The following AGBL4 variants were observed in gnomAD, a reference collection of about 807,000 sequenced individuals.
The protein encoded by AGBL4 is cytosolic carboxypeptidase 6.
Under a neutral mutation model 66.4 loss-of-function variants are expected in AGBL4, and 58 were observed. The observed-to-expected ratio is 0.87, with a 90% CI of 0.71 to 1.09. The LOEUF is 1.09. AGBL4 is among the 50% of genes least tolerant of loss of function. The pLI, the probability that AGBL4 is intolerant of heterozygous loss-of-function variation, is 0.00. For missense variants in AGBL4, 579 were observed against 631.0 expected, an observed-to-expected ratio of 0.92 and a Z score of 0.88; for synonymous variants, 234 against 222.9, an observed-to-expected ratio of 1.05 and a Z score of -0.44.
At chr1:49,716,028 T>C (rs879135689) in intron 2 of AGBL4, among the ~76,000 whole-genome samples, 5 of 152,122 alleles carry the variant, frequency 3.3e-5, no homozygotes, top group South Asian at 2.1e-4. Context: ...TCGTTGCCCA[T>C]GCCTATCTCT....
chr1:48,649,614 T>G (rs1645894987), intron 8 of AGBL4, among the ~76,000 whole-genome samples: 1 of 152,220 alleles, frequency 6.6e-6, no homozygotes, highest in African/African-American at 2.4e-5. Context: ...CATGGTATAG[T>G]GGCCATCTAT....
At chr1:49,684,176 TTTA>T (rs1646747498) in intron 3 of AGBL4, among the ~76,000 whole-genome samples, 1 of 152,160 alleles carries the variant, frequency 6.6e-6, no homozygotes, top group South Asian at 2.1e-4. Context: ...TCCTCTTGAT[TTTA>T]TTGTTTTTGT....
chr1:49,554,437 T>C (rs1653237168), intron 3 of AGBL4, among the ~76,000 whole-genome samples: 2 of 152,174 alleles, frequency 1.3e-5, no homozygotes, highest in African/African-American at 4.8e-5. Flanking sequence ...CTCAGAGACA[T>C]AATAATAAAA....
chr1:48,553,311 G>T (rs546336148), intron 11 of AGBL4, among the ~76,000 whole-genome samples: 1 of 152,276 alleles, frequency 6.6e-6, no homozygotes, highest in South Asian at 2.1e-4. Flanking sequence ...TTCAGCTCCT[G>T]CTTGTCTCAC....
At chr1:49,726,449 A>C (rs975068441) in intron 2 of AGBL4, among the ~76,000 whole-genome samples, 3 of 152,200 alleles carry the variant, frequency 2.0e-5, no homozygotes, top group Admixed American at 6.5e-5. Flanking sequence ...ATAGAGTGGA[A>C]GAATGACTGG....
At chr1:49,769,363 T>A (rs1189818221) in intron 2 of AGBL4, among the ~76,000 whole-genome samples, 2 of 151,984 alleles carry the variant, frequency 1.3e-5, no homozygotes, top group East Asian at 1.9e-4. Context: ...ATTGTAAGAA[T>A]CAAAATCTCT....
At position 48,533,264 on chromosome 1, in the gene AGBL4, TCACAAA is replaced by T; in HGVS notation, c.*903_*908del. The stretch of plus-strand genomic sequence containing the variant: ...TCATCATACAAAGGCACTTTACTCT[TCACAAA>T]AATGCCAATATTTAGCTTGCCACAC... On this transcript the variant is annotated 3_prime_UTR_variant, in exon 14 of 14. Coordinates refer to ENST00000371839, the MANE Select transcript of AGBL4 (RefSeq NM_032785.4). 6.6e-6 allele frequency: 1 copy of T among 152,136 alleles called. No individual in the cohort carries two copies. The highest frequency in any genetic ancestry group is 2.4e-5 in the African/African-American group (1 of 41,422). The allele number at this position is 152,136 out of a possible 1,614,324, so 9.4% of individuals were successfully genotyped here. A position where few individuals can be genotyped will look rare whatever the true frequency, so the allele number is the denominator to read the frequency against.
intron 2 of AGBL4, chr1:49,845,499 G>C (rs1290121399): frequency 6.3e-7 from 1 of 1,575,822 alleles, no homozygotes; most frequent in East Asian, 2.2e-5. Context: ...AACCCTATCA[G>C]TGTGGTGAGT....
At chr1:49,942,701 T>TA (rs1330759497) in intron 1 of AGBL4, among the ~76,000 whole-genome samples, 1 of 152,138 alleles carries the variant, frequency 6.6e-6, no homozygotes, top group African/African-American at 2.4e-5. Context: ...ATTAAAGACT[T>TA]AAACATACAA....
chr1:48,990,593 AT>A (rs1221524673), intron 5 of AGBL4, among the ~76,000 whole-genome samples: 8 of 152,072 alleles, frequency 5.3e-5, no homozygotes, highest in Non-Finnish European at 1.2e-4. Context: ...GTCTAGTTTC[AT>A]TCTTCTGCAT....
intron 3 of AGBL4, among the ~76,000 whole-genome samples, chr1:49,506,985 A>T (rs1648748135): frequency 6.6e-6 from 1 of 151,902 alleles, no homozygotes; most frequent in South Asian, 2.1e-4. Flanking sequence ...TTTGGGCTGG[A>T]TCTGAAATGG....
intron 6 of AGBL4, among the ~76,000 whole-genome samples, chr1:48,768,519 C>T (rs916384502): frequency 5.3e-5 from 8 of 152,024 alleles, no homozygotes; most frequent in African/African-American, 1.7e-4. Context: ...TGGTAATAGG[C>T]AAATGGTGTT....
chr1:50,005,159 G>A (rs1337173802), intron 1 of AGBL4, among the ~76,000 whole-genome samples: 1 of 152,094 alleles, frequency 6.6e-6, no homozygotes, highest in East Asian at 1.9e-4. Context: ...CAGTAGCCAG[G>A]TAGTGGTTAT....
intron 1 of AGBL4, among the ~76,000 whole-genome samples, chr1:49,915,349 G>C (rs999760536): frequency 6.6e-6 from 1 of 152,292 alleles, no homozygotes; most frequent in Non-Finnish European, 1.5e-5. Flanking sequence ...GGGAAGCCAT[G>C]ACAGACAGCA....
chr1:49,987,708 T>A (rs1157179969), intron 1 of AGBL4, among the ~76,000 whole-genome samples: 1 of 152,048 alleles, frequency 6.6e-6, no homozygotes. Flanking sequence ...AAAATTTTTA[T>A]AAAAGTTGTT....
At chr1:48,871,133 G>A (rs555567290) in intron 5 of AGBL4, among the ~76,000 whole-genome samples, 9 of 152,276 alleles carry the variant, frequency 5.9e-5, no homozygotes, top group Admixed American at 3.3e-4. Context: ...CATATACAGA[G>A]AGGGGCATGT....
chr1:49,335,630 C>T (rs1332416818), intron 3 of AGBL4, among the ~76,000 whole-genome samples: 1 of 152,066 alleles, frequency 6.6e-6, no homozygotes, highest in Non-Finnish European at 1.5e-5. Flanking sequence ...ATTCTCCTGC[C>T]TCAGCTTCCC....
chr1:49,692,436 T>C (rs1646906342), intron 3 of AGBL4, among the ~76,000 whole-genome samples: 1 of 152,064 alleles, frequency 6.6e-6, no homozygotes, highest in Non-Finnish European at 1.5e-5. Flanking sequence ...AGCAGCAAAC[T>C]GGCCAGACAC....
chr1:49,076,251 A>G (rs1046417493), intron 4 of AGBL4, among the ~76,000 whole-genome samples: 4 of 152,334 alleles, frequency 2.6e-5, no homozygotes, highest in South Asian at 2.1e-4. Context: ...CAGACGCTCA[A>G]GTCCCTTATA....
Sources: allele counts gnomAD v4.1 joint callset (sites outside exome capture counted in the v4.1 genomes callset), GRCh38; gene constraint gnomAD v4.1.1; transcripts MANE v1.5; gene names NCBI Gene and HGNC (gene_info 2026-07-23, HGNC 2026-07-21).